Variants in SCARB1 observed in about 807,000 individuals in gnomAD.
SCARB1 encodes the protein scavenger receptor class B member 1, also known as CD36 and LIMPII analogous 1.
A neutral mutation model predicts 57.2 loss-of-function variants in SCARB1; 30 were observed. The ratio of observed to expected loss-of-function variants is 0.52; its 90% CI spans 0.39 to 0.71. The LOEUF is 0.71. Ranked by LOEUF, SCARB1 falls within the 30% of genes least tolerant of loss-of-function variation. The pLI, the probability that SCARB1 is intolerant of heterozygous loss-of-function variation, is 0.00. For missense variants in SCARB1, 543 were observed against 671.2 expected (o/e 0.81, Z 2.11); for synonymous variants, 249 against 268.3 (o/e 0.93, Z 0.70).
chr12:124,791,754 G>C (rs946131493), intron 9 of SCARB1, among the ~76,000 whole-genome samples: 8 of 151,838 alleles, frequency 5.3e-5, no homozygotes, highest in African/African-American at 1.9e-4. Context: ...TCAGGAGTTT[G>C]AGACCAGCCT....
intron 4 of SCARB1, among the ~76,000 whole-genome samples, chr12:124,813,324 G>A (rs1401433691): frequency 6.6e-6 from 1 of 152,156 alleles, no homozygotes; most frequent in African/African-American, 2.4e-5. Flanking sequence ...GGAATGTGAT[G>A]TGATTGCTGA....
intron 7 of SCARB1, among the ~76,000 whole-genome samples, chr12:124,801,554 G>C (rs1263757699): frequency 2.6e-5 from 4 of 152,184 alleles, no homozygotes; most frequent in Admixed American, 1.3e-4. Flanking sequence ...AGGCCAAGGC[G>C]GGTGGATCAC....
chr12:124,807,984 C>A lies in SCARB1; in HGVS notation c.843-57G>T, dbSNP rs904457977. ...CCCAGACCCGGCGGCCAGAGCCAGG[C>A]CCTGCCAAAGGCTGCCCAGATCCAG... On this transcript the variant is annotated intron_variant, in intron 6 of 12. Transcript: ENST00000261693. This position sits in a 1 kb window ranked among gnomAD's most constrained non-coding sequence, Gnocchi z 5.3. 2.2e-5 allele frequency: 34 copies of A among 1,578,810 alleles called. No individual in the cohort carries two copies. The African/African-American group carries it at 3.1e-4, about 14-fold the overall frequency.
chr12:124,851,138 T>G (rs1413683922), intron 1 of SCARB1, among the ~76,000 whole-genome samples: 1 of 152,246 alleles, frequency 6.6e-6, no homozygotes, highest in African/African-American at 2.4e-5. Flanking sequence ...AGAAAATTCT[T>G]TAATTCTCCT....
intron 1 of SCARB1, among the ~76,000 whole-genome samples, chr12:124,835,518 G>A (rs866503991): frequency 1.1e-4 from 17 of 151,946 alleles, no homozygotes; most frequent in Admixed American, 2.0e-4. Context: ...CAATTCTCCC[G>A]CTTCAACCTC....
In SCARB1 at chr12:124,839,084, C is replaced by T. The variant is rs559314676; in HGVS notation, c.127-21377G>A. The stretch of plus-strand genomic sequence containing the variant: ...CACTACACGCCCAGCCCAACTTAGC[C>T]ATTTTTAAGTGTACAGTTCAGTGGC... On this transcript the variant is annotated intron_variant, in intron 1 of 12. Coordinates refer to ENST00000261693, the MANE Select transcript of SCARB1 (RefSeq NM_005505.5). 2.6e-5 allele frequency among the ~76,000 whole-genome samples: 4 copies of T among 152,270 alleles called. 1 individual carries two copies. In the East Asian group the frequency reaches 7.7e-4, roughly 29 times the overall value.
chr12:124,810,044 A>T lies in SCARB1; in HGVS notation c.842+130T>A. 1 of 694,894 alleles carries T rather than the reference A, an allele frequency of 1.4e-6. No homozygotes were observed. Among genetic ancestry groups the T allele is most frequent in the East Asian group, 2.8e-5 (1 of 36,280 alleles). 43.0% of individuals were successfully genotyped at this position (694,894 alleles called of 1,614,324 possible). A position where few individuals can be genotyped will look rare whatever the true frequency, so the allele number is the denominator to read the frequency against. ...TGGTGGTGTGACCAAAGAGAATTCA[A>T]GCTGGTGCCAAGGGCTACTGAGTCA... On this transcript the variant is annotated intron_variant, in intron 6 of 12. Transcript: ENST00000261693. This position sits in a 1 kb window ranked among gnomAD's most constrained non-coding sequence, Gnocchi z 4.0.
chr12:124,842,612 G>A (rs1044231947), intron 1 of SCARB1, among the ~76,000 whole-genome samples: 2 of 152,226 alleles, frequency 1.3e-5, no homozygotes, highest in African/African-American at 2.4e-5. Context: ...CAGAGGAAAC[G>A]TGGCGGTCAC....
chr12:124,817,828 G>A lies in SCARB1; in HGVS notation c.127-121C>T. ...GAAGGGGCTCCTCGGCGGGAGCTTGGGATAGGAGGTGGTGGGAAAGCCCTT... is the reference window on the plus strand; with the variant it reads ...GAAGGGGCTCCTCGGCGGGAGCTTGAGATAGGAGGTGGTGGGAAAGCCCTT... On this transcript the variant is annotated intron_variant, in intron 1 of 12. Transcript: ENST00000261693. This position sits in a 1 kb window ranked among gnomAD's most constrained non-coding sequence, Gnocchi z 4.8. The A allele has an allele frequency of 9.5e-7, 1 of 1,052,376 alleles. No individual in the cohort carries two copies. The highest frequency in any genetic ancestry group is 1.5e-6 in the Non-Finnish European group (1 of 673,202). The allele number at this position is 1,052,376 out of a possible 1,614,324, so 65.2% of individuals were successfully genotyped here.
At chr12:124,844,085 T>C (rs1952031819) in intron 1 of SCARB1, among the ~76,000 whole-genome samples, 1 of 152,002 alleles carries the variant, frequency 6.6e-6, no homozygotes, top group African/African-American at 2.4e-5. Flanking sequence ...GGCAGCAGGG[T>C]CCAGCATATT....
intron 1 of SCARB1, among the ~76,000 whole-genome samples, chr12:124,844,496 C>T (rs1386927727): frequency 4.6e-5 from 7 of 152,198 alleles, no homozygotes; most frequent in Admixed American, 1.3e-4. Flanking sequence ...CAGCCCTAAC[C>T]CTCGGTGCAT....
chr12:124,808,132 A>C (rs755221346), intron 6 of SCARB1, among the ~76,000 whole-genome samples: 7 of 152,016 alleles, frequency 4.6e-5, no homozygotes, highest in Non-Finnish European at 1.0e-4. Flanking sequence ...ACCCACATCA[A>C]TGTATTAGCC....
chr12:124,820,069 T>C (rs1274438250), intron 1 of SCARB1, among the ~76,000 whole-genome samples: 1 of 152,228 alleles, frequency 6.6e-6, no homozygotes, highest in Non-Finnish European at 1.5e-5. Context: ...AGTGCCATAA[T>C]TGTTTATTGA....
intron 1 of SCARB1, among the ~76,000 whole-genome samples, chr12:124,824,891 G>A (rs945579726): frequency 6.6e-6 from 1 of 152,256 alleles, no homozygotes; most frequent in South Asian, 2.1e-4. Context: ...TCCATTATTC[G>A]CCCCTCTGGT....
chr12:124,828,344 A>G (rs1389607624), intron 1 of SCARB1, among the ~76,000 whole-genome samples: 3 of 152,046 alleles, frequency 2.0e-5, no homozygotes, highest in Non-Finnish European at 4.4e-5. Context: ...GCCCACTGGA[A>G]CGACCTCGGC....
chr12:124,832,414 G>A (rs1951436778), intron 1 of SCARB1, among the ~76,000 whole-genome samples: 1 of 152,100 alleles, frequency 6.6e-6, no homozygotes, highest in African/African-American at 2.4e-5. Context: ...CAGCTACTTG[G>A]GAGGCTGAGG....
At chr12:124,806,438 C>A (rs1225817578) in intron 7 of SCARB1, among the ~76,000 whole-genome samples, 1 of 152,194 alleles carries the variant, frequency 6.6e-6, no homozygotes, top group Non-Finnish European at 1.5e-5. Flanking sequence ...ATCTGCCTAG[C>A]CACCCACACT....
chr12:124,785,968 C>A, intron 11 of SCARB1: 2 of 1,223,254 alleles, frequency 1.6e-6, no homozygotes, highest in Middle Eastern at 2.6e-4. Flanking sequence ...GCCAGCCCCC[C>A]TCAATCCCCC....
intron 1 of SCARB1, among the ~76,000 whole-genome samples, chr12:124,845,537 CAAAA>C (rs34178546): frequency 2.1e-4 from 22 of 106,412 alleles, no homozygotes; most frequent in Non-Finnish European, 3.7e-4. Context: ...ATTAAAAATA[CAAAA>C]AAAAAAAAAA....
Sources: gnomAD v4.1 joint callset for allele counts (sites outside exome capture counted in the v4.1 genomes callset) on GRCh38, gnomAD v4.1.1 for gene constraint, Gnocchi (gnomAD v3.1) non-coding constraint, MANE v1.5 for transcripts, NCBI Gene and HGNC (gene_info 2026-07-23, HGNC 2026-07-21) for gene names.